Variants in NXPH1 observed in about 807,000 individuals in gnomAD.
NXPH1 encodes neurexophilin-1.
In NXPH1, 5 loss-of-function variants were observed where a neutral mutation model predicts 23.7. That is an observed-to-expected ratio of 0.21 (90% confidence interval 0.11 to 0.44). NXPH1 has a LOEUF of 0.44. Among genes scored for constraint, NXPH1 ranks in the 20% least tolerant of loss-of-function variants. The pLI is 0.99. For missense variants in NXPH1, 324 were observed against 321.6 expected (o/e 1.01, Z -0.06); for synonymous variants, 144 against 122.2 (o/e 1.18, Z -1.18).
rs544538614 is a variant in NXPH1, at chr7:8,596,613, T to G, written c.55-154395T>G. Reference sequence around the variant, plus strand: ...TCATAAGTAACACTCATTAAACATTTACTATGCTAAAGCTTTATAGAAATC... The same window carrying G: ...TCATAAGTAACACTCATTAAACATTGACTATGCTAAAGCTTTATAGAAATC... On this transcript the variant is annotated intron_variant, in intron 2 of 2. Coordinates refer to ENST00000405863, the MANE Select transcript of NXPH1 (RefSeq NM_152745.3). 3.9e-5 allele frequency among the ~76,000 whole-genome samples: 6 copies of G among 152,276 alleles called. No homozygotes were observed. The South Asian group carries it at 1.2e-3, about 32-fold the overall frequency.
At chr7:8,524,045 C>T (rs1817820242) in intron 2 of NXPH1, among the ~76,000 whole-genome samples, 1 of 151,972 alleles carries the variant, frequency 6.6e-6, no homozygotes, top group African/African-American at 2.4e-5. Context: ...CAATTCAAGA[C>T]CAGCCTGGCC....
intron 2 of NXPH1, among the ~76,000 whole-genome samples, chr7:8,708,075 T>G (rs926880527): frequency 1.2e-4 from 18 of 152,174 alleles, no homozygotes; most frequent in Non-Finnish European, 2.5e-4. Context: ...GCTGAAAATA[T>G]TTATAACATG....
At chr7:8,516,560 T>C (rs187931191) in intron 2 of NXPH1, among the ~76,000 whole-genome samples, 10 of 152,254 alleles carry the variant, frequency 6.6e-5, no homozygotes, top group African/African-American at 1.9e-4. Context: ...TGCTGGGGTT[T>C]CCATTAAGTT....
Position 8,513,715 on chromosome 7 carries a change from G to T in NXPH1, c.54+77948G>T, listed in dbSNP as rs142692664. Among the ~76,000 whole-genome samples, 1,026 of 152,180 alleles carry T rather than the reference G, an allele frequency of 6.7e-3. 5 individuals carry two copies. The highest frequency in any genetic ancestry group is 0.011 in the Non-Finnish European group (754 of 67,988). On this transcript the variant is annotated intron_variant, in intron 2 of 2. Coordinates refer to ENST00000405863, the MANE Select transcript of NXPH1 (RefSeq NM_152745.3). ...TAAGGAGGAGTCATCTGAACCTCTT[G>T]AATTCCCTTTGAGCTCTCCACTAAG... is the stretch of plus-strand genomic sequence containing the variant.
chr7:8,435,447 C>T lies in NXPH1; in HGVS notation c.-110-157C>T. 1.8e-6 allele frequency: 1 copy of T among 542,270 alleles called. No individual in the cohort carries two copies. The highest frequency in any genetic ancestry group is 3.3e-6 in the Non-Finnish European group (1 of 303,180). The allele number at this position is 542,270 out of a possible 1,614,324, so 33.6% of individuals were successfully genotyped here. A position where few individuals can be genotyped will look rare whatever the true frequency, so the allele number is the denominator to read the frequency against. ...AGCTGCGGACCGCGCGCTTGCTGGT[C>T]TCAGGCGCTGGATTTACTCGCTTTT... On this transcript the variant is annotated intron_variant, in intron 1 of 2. Transcript: ENST00000405863. This position sits in a 1 kb window ranked among gnomAD's most constrained non-coding sequence, Gnocchi z 5.9.
intron 2 of NXPH1, among the ~76,000 whole-genome samples, chr7:8,728,285 C>T (rs1249817487): frequency 6.6e-6 from 1 of 152,194 alleles, no homozygotes; most frequent in Non-Finnish European, 1.5e-5. Context: ...TGTCTGCAAA[C>T]AGGGACAATT....
chr7:8,741,881 CCTT>C (rs1262395896), intron 2 of NXPH1, among the ~76,000 whole-genome samples: 3 of 152,122 alleles, frequency 2.0e-5, no homozygotes, highest in African/African-American at 4.8e-5. Flanking sequence ...GCTAGGCACT[CCTT>C]CTGCCAAGAT....
At chr7:8,604,083 A>G (rs1164127045) in intron 2 of NXPH1, among the ~76,000 whole-genome samples, 1 of 152,100 alleles carries the variant, frequency 6.6e-6, no homozygotes, top group Admixed American at 6.5e-5. Context: ...TAAAAAAAAA[A>G]GTGGATGGTT....
chr7:8,751,874 ACTG>A lies in NXPH1; in HGVS notation c.*111_*113del, dbSNP rs1464565114. On this transcript the variant is annotated 3_prime_UTR_variant, in exon 3 of 3. Coordinates refer to ENST00000405863, the MANE Select transcript of NXPH1 (RefSeq NM_152745.3). This position sits in a 1 kb window ranked among gnomAD's most constrained non-coding sequence, Gnocchi z 4.5. The stretch of plus-strand genomic sequence containing the variant: ...CATCTGTTGCCTGGAATGTGTCTAC[ACTG>A]CTGCTCTTGTCAACTGGCTGCAAAA... 7 of 1,095,982 alleles carry A rather than the reference ACTG, an allele frequency of 6.4e-6. No individual in the cohort carries two copies. Among genetic ancestry groups the A allele is most frequent in the Non-Finnish European group, 7.6e-6 (6 of 789,590 alleles). The allele number at this position is 1,095,982 out of a possible 1,614,324, so 67.9% of individuals were successfully genotyped here.
At chr7:8,456,001 T>C (rs1179435256) in intron 2 of NXPH1, among the ~76,000 whole-genome samples, 2 of 152,200 alleles carry the variant, frequency 1.3e-5, no homozygotes, top group African/African-American at 2.4e-5. Context: ...ATTTTCTAGA[T>C]GGAGCCTCTG....
rs34797196 is a variant in NXPH1 at position 8,527,049 on chromosome 7, C to CA, written c.54+91292dup. On this transcript the variant is annotated intron_variant, in intron 2 of 2. Transcript: ENST00000405863. ...TTTCCCAGCAGAATTTGCCCCTTAC[C>CA]AAAAAAAAAATGGGTAGAATTTTCC... is the stretch of plus-strand genomic sequence containing the variant. Among the ~76,000 whole-genome samples, 152 of 151,068 alleles carry CA rather than the reference C, an allele frequency of 1.0e-3. 2 individuals carry two copies. The highest frequency in any genetic ancestry group is 2.9e-3 in the African/African-American group (119 of 41,138).
At chr7:8,716,453 A>C (rs1460203043) in intron 2 of NXPH1, among the ~76,000 whole-genome samples, 2 of 152,184 alleles carry the variant, frequency 1.3e-5, no homozygotes, top group African/African-American at 4.8e-5. Flanking sequence ...GTGTGACAAA[A>C]TTTTTTGTTT....
At chr7:8,682,222 A>C (rs12702765) in intron 2 of NXPH1, among the ~76,000 whole-genome samples, 1 of 152,138 alleles carries the variant, frequency 6.6e-6, no homozygotes, top group East Asian at 1.9e-4. Context: ...TCAGACCTCT[A>C]TAAGTCTCTT....
At chr7:8,545,488 G>A (rs1207605209) in intron 2 of NXPH1, among the ~76,000 whole-genome samples, 1 of 151,492 alleles carries the variant, frequency 6.6e-6, no homozygotes, top group Non-Finnish European at 1.5e-5. Flanking sequence ...AGTTAAATAT[G>A]AGATTTTACT....
intron 2 of NXPH1, among the ~76,000 whole-genome samples, chr7:8,727,389 G>A (rs1447417233): frequency 5.7e-5 from 8 of 140,620 alleles, no homozygotes; most frequent in African/African-American, 1.7e-4. Flanking sequence ...TGCTTTTGGT[G>A]TTTTAGACAT....
chr7:8,618,002 T>C (rs1276145276), intron 2 of NXPH1, among the ~76,000 whole-genome samples: 1 of 152,124 alleles, frequency 6.6e-6, no homozygotes, highest in South Asian at 2.1e-4. Flanking sequence ...ACATCTATTA[T>C]GTACCCACAA....
At chr7:8,716,393 C>T (rs1022503015) in intron 2 of NXPH1, among the ~76,000 whole-genome samples, 23 of 152,096 alleles carry the variant, frequency 1.5e-4, no homozygotes, top group Admixed American at 4.6e-4. Flanking sequence ...TAGGATTAAT[C>T]GAGGAGAAAA....
intron 2 of NXPH1, among the ~76,000 whole-genome samples, chr7:8,637,969 G>A (rs903251799): frequency 6.6e-6 from 1 of 152,086 alleles, no homozygotes; most frequent in African/African-American, 2.4e-5. Context: ...TCCAAGTCTA[G>A]ACTATCAAAT....
At chr7:8,544,401 C>G (rs969679513) in intron 2 of NXPH1, among the ~76,000 whole-genome samples, 1 of 151,514 alleles carries the variant, frequency 6.6e-6, no homozygotes, top group African/African-American at 2.4e-5. Flanking sequence ...TATTCTCTGG[C>G]AAGCAAAATC....
Sources: gnomAD v4.1 joint callset for allele counts (sites outside exome capture counted in the v4.1 genomes callset) on GRCh38, gnomAD v4.1.1 for gene constraint, Gnocchi (gnomAD v3.1) non-coding constraint, MANE v1.5 for transcripts, NCBI Gene and HGNC (gene_info 2026-07-23, HGNC 2026-07-21) for gene names.